Variants in SLC66A3 observed in about 807,000 individuals in gnomAD.
SLC66A3 encodes the protein PQ loop repeat containing 3.
A neutral mutation model predicts 25.5 loss-of-function variants in SLC66A3; 23 were observed. That is an observed-to-expected ratio of 0.90 (90% CI 0.65 to 1.28). The LOEUF is 1.28. Ranked by LOEUF, SLC66A3 falls within the 50% of genes most tolerant of loss-of-function variation. The pLI is 0.00. For synonymous variants in SLC66A3, 108 were observed against 112.6 expected (o/e 0.96, Z 0.26); for missense variants, 246 against 262.1 (o/e 0.94, Z 0.42).
intron 5 of SLC66A3, among the ~76,000 whole-genome samples, chr2:11,173,416 A>C (rs182032296): frequency 6.6e-6 from 1 of 152,198 alleles, no homozygotes; most frequent in Non-Finnish European, 1.5e-5. Flanking sequence ...AGCCTTTTAA[A>C]AAGTTTGTCT....
chr2:11,178,028 C>T lies in SLC66A3; in HGVS notation c.*200C>T, dbSNP rs745378181. On this transcript the variant is annotated 3_prime_UTR_variant, in exon 7 of 7. Transcript: ENST00000295083. Reference sequence around the variant, plus strand: ...CAATTTGCCTCCTCCTTCCTCACTTCGTTAGGTTATGGTAGTGCTCAGACA... The same window carrying T: ...CAATTTGCCTCCTCCTTCCTCACTTTGTTAGGTTATGGTAGTGCTCAGACA... The T allele has an allele frequency of 2.0e-5, 11 of 541,410 alleles. No homozygotes were observed. The highest frequency in any genetic ancestry group is 1.5e-4 in the African/African-American group (8 of 52,074). 33.5% of individuals were successfully genotyped at this position (541,410 alleles called of 1,614,324 possible).
chr2:11,155,628 G>T lies in SLC66A3; in HGVS notation c.82G>T (p.Val28Leu). 6.6e-7 allele frequency: 1 copy of T among 1,520,090 alleles called. No homozygotes were observed. Among genetic ancestry groups the T allele is most frequent in the South Asian group, 1.2e-5 (1 of 82,056 alleles). 94.2% of individuals were successfully genotyped at this position (1,520,090 alleles called of 1,614,324 possible). A position where few individuals can be genotyped will look rare whatever the true frequency, so the allele number is the denominator to read the frequency against. ...AALKLPQISA[V>L]LAARSARGLS... ...GCTGAAGCTGCCGCAGATCTCCGCT[G>T]TGCTAGCGGCGCGCAGCGCGCGGGG... Residue 28 changes from valine to leucine, a missense_variant, in exon 1 of 7, where the codon GTG becomes TTG. By Grantham distance (32) the Val-to-Leu change is conservative. Coordinates refer to ENST00000295083, the MANE Select transcript of SLC66A3 (RefSeq NM_152391.5).
intron 1 of SLC66A3, among the ~76,000 whole-genome samples, chr2:11,157,141 G>A (rs531931069): frequency 5.3e-5 from 8 of 152,318 alleles, no homozygotes; most frequent in Admixed American, 5.2e-4. Flanking sequence ...CTTGAAAAAT[G>A]CAAACCCTCA....
intron 3 of SLC66A3, 192 bp downstream of exon 3, chr2:11,160,886 G>A (rs1015867715): frequency 8.7e-6 from 8 of 914,864 alleles, no homozygotes; most frequent in South Asian, 1.8e-5. Flanking sequence ...CTGCTCCTCC[G>A]AGACCAGCAT....
chr2:11,166,300 T>C (rs1662340592), intron 4 of SLC66A3, among the ~76,000 whole-genome samples: 1 of 152,130 alleles, frequency 6.6e-6, no homozygotes, highest in Admixed American at 6.5e-5. Context: ...GGCCGAAAAT[T>C]TCCAAGGGCT....
intron 1 of SLC66A3, among the ~76,000 whole-genome samples, chr2:11,159,391 G>C (rs954603371): frequency 6.6e-6 from 1 of 152,160 alleles, no homozygotes; most frequent in Non-Finnish European, 1.5e-5. Context: ...CACAGCACCC[G>C]GAGGGCCTGC....
chr2:11,168,283 A>G (rs930437602), intron 4 of SLC66A3, among the ~76,000 whole-genome samples: 5 of 140,654 alleles, frequency 3.6e-5, no homozygotes. Context: ...ACTCTGTCTG[A>G]AAAAAAAAAA....
rs189569339 is a variant in SLC66A3 at position 11,158,479 on chromosome 2, G to A, written c.144-1987G>A. Reference sequence around the variant, plus strand: ...AGATCAAGACCATCCTGGCTAACACGGTGAAACCCTGTCTCTACTAAAGAT... The same window carrying A: ...AGATCAAGACCATCCTGGCTAACACAGTGAAACCCTGTCTCTACTAAAGAT... On this transcript the variant is annotated intron_variant, in intron 1 of 6. Transcript: ENST00000295083. 7.0e-3 allele frequency among the ~76,000 whole-genome samples: 1,067 copies of A among 152,340 alleles called. 13 individuals carry two copies. Among genetic ancestry groups the A allele is most frequent in the African/African-American group, 0.024 (1,008 of 41,580 alleles).
chr2:11,173,535 G>C (rs1662628702), intron 5 of SLC66A3, among the ~76,000 whole-genome samples: 1 of 152,228 alleles, frequency 6.6e-6, no homozygotes, highest in African/African-American at 2.4e-5. Flanking sequence ...TGTGGTGTCT[G>C]TGTGTAAAGT....
intron 4 of SLC66A3, among the ~76,000 whole-genome samples, chr2:11,168,644 C>A (rs1373472287): frequency 6.6e-6 from 1 of 152,114 alleles, no homozygotes; most frequent in Non-Finnish European, 1.5e-5. Flanking sequence ...CTGGTGCGAG[C>A]CCTCCCCTGC....
chr2:11,177,332 C>T (rs1426741198), intron 6 of SLC66A3, among the ~76,000 whole-genome samples: 1 of 152,034 alleles, frequency 6.6e-6, no homozygotes, highest in Admixed American at 6.6e-5. Context: ...TGGTGGTGGG[C>T]ACCTGTCATC....
intron 4 of SLC66A3, among the ~76,000 whole-genome samples, chr2:11,166,571 C>G (rs966394854): frequency 3.3e-5 from 5 of 152,188 alleles, no homozygotes; most frequent in Non-Finnish European, 5.9e-5. Flanking sequence ...TAACAAGGAA[C>G]ACTTTTTCAG....
intron 1 of SLC66A3, among the ~76,000 whole-genome samples, chr2:11,156,380 G>A (rs1418455892): frequency 6.6e-6 from 1 of 152,120 alleles, no homozygotes; most frequent in African/African-American, 2.4e-5. Flanking sequence ...AACTTTTGGG[G>A]TATCATTTTT....
chr2:11,160,253 C>T, intron 1 of SLC66A3: 4 of 612,242 alleles, frequency 6.5e-6, no homozygotes, highest in Non-Finnish European at 1.2e-5. Context: ...GCACTGTGGC[C>T]CGGTGCCCAG....
At chr2:11,168,425 A>G (rs1338786247) in intron 4 of SLC66A3, among the ~76,000 whole-genome samples, 5 of 152,198 alleles carry the variant, frequency 3.3e-5, no homozygotes, top group African/African-American at 1.2e-4. Context: ...TTGGGGCCCA[A>G]ACCAACACTA....
At chr2:11,175,128 A>G in intron 6 of SLC66A3, 119 bp downstream of exon 6, 1 of 711,336 alleles carries the variant, frequency 1.4e-6, no homozygotes, top group Non-Finnish European at 2.4e-6. Flanking sequence ...TAGATTTAGA[A>G]GATGGCAACA....
At chr2:11,174,046 C>G (rs781231091) in intron 5 of SLC66A3, among the ~76,000 whole-genome samples, 1 of 152,114 alleles carries the variant, frequency 6.6e-6, no homozygotes, top group Non-Finnish European at 1.5e-5. Flanking sequence ...CCTCAGCCTT[C>G]CGGTTTCAAG....
intron 1 of SLC66A3, among the ~76,000 whole-genome samples, chr2:11,156,233 A>G (rs1008281091): frequency 6.6e-6 from 1 of 152,200 alleles, no homozygotes; most frequent in Non-Finnish European, 1.5e-5. Flanking sequence ...TGTAGAAAGA[A>G]GTTTCCTTAG....
At chr2:11,176,814 C>T (rs1662769229) in intron 6 of SLC66A3, among the ~76,000 whole-genome samples, 1 of 152,112 alleles carries the variant, frequency 6.6e-6, no homozygotes. Flanking sequence ...AGGCGTGAGC[C>T]ACCGCGCCCG....
Sources: allele counts gnomAD v4.1 joint callset (sites outside exome capture counted in the v4.1 genomes callset), GRCh38; gene constraint gnomAD v4.1.1; transcripts MANE v1.5; gene names NCBI Gene and HGNC (gene_info 2026-07-23, HGNC 2026-07-21).